The following RRAGC variants were observed in gnomAD, a reference collection of about 807,000 sequenced individuals.
RRAGC encodes ras-related GTP-binding protein C.
A neutral mutation model predicts 37.1 loss-of-function variants in RRAGC; 8 were observed. That is an observed-to-expected ratio of 0.22 (90% CI 0.13 to 0.39). The LOEUF (loss-of-function observed/expected upper bound fraction) is 0.39. RRAGC is among the 10% of genes least tolerant of loss of function. The pLI, the probability that RRAGC is intolerant of heterozygous loss-of-function variation, is 1.00. For missense variants in RRAGC, 342 were observed against 497.6 expected (o/e 0.69, Z 2.98); for synonymous variants, 190 against 181.1 (o/e 1.05, Z -0.39).
intron 6 of RRAGC, among the ~76,000 whole-genome samples, chr1:38,842,153 T>C (rs1000854903): frequency 2.6e-5 from 4 of 152,158 alleles, no homozygotes; most frequent in Non-Finnish European, 5.9e-5. Flanking sequence ...GCGCCTGTAG[T>C]CCCAGCTACT....
intron 6 of RRAGC, 22 bp from the exon 7 acceptor site, chr1:38,839,726 G>C (rs778243664): frequency 6.2e-7 from 1 of 1,611,342 alleles, no homozygotes; most frequent in Non-Finnish European, 8.5e-7. Flanking sequence ...AAAAAGAAAA[G>C]AATGCCTCCT....
At chr1:38,851,805 A>G in intron 4 of RRAGC, 48 bp from the exon 5 acceptor site, 1 of 1,516,598 alleles carries the variant, frequency 6.6e-7, no homozygotes, top group Non-Finnish European at 9.1e-7. Flanking sequence ...AAGAATCACA[A>G]TTTACAACTT....
rs559607032 is a variant in RRAGC, at chr1:38,838,518, T to C, written c.*1035A>G. On this transcript the variant is annotated 3_prime_UTR_variant, in exon 7 of 7. Transcript: ENST00000373001. ...CAACCATCAACAAAAGCAACAATTA[T>C]GAATTCATATCCTAGGCAAAGAAAG... The C allele has an allele frequency of 2.0e-5, 3 of 152,364 alleles. No individual in the cohort carries two copies. The highest frequency in any genetic ancestry group is 2.9e-5 in the Non-Finnish European group (2 of 68,038). The allele number at this position is 152,364 out of a possible 1,614,324, so 9.4% of individuals were successfully genotyped here. A position where few individuals can be genotyped will look rare whatever the true frequency, so the allele number is the denominator to read the frequency against.
At position 38,855,699 on chromosome 1, in the gene RRAGC, T is replaced by C. The variant is rs1477896863; in HGVS notation, c.641+9A>G. 6.2e-7 allele frequency: 1 copy of C among 1,609,680 alleles called. No homozygotes were observed. Among genetic ancestry groups the C allele is most frequent in the Admixed American group, 1.7e-5 (1 of 60,020 alleles). On this transcript the variant is annotated intron_variant, in intron 3 of 6. Transcript: ENST00000373001. ...TCAGGGCTTTCATATCAAACACACA[T>C]GTTGTTACCTAAGATGGAGTTTTTC...
chr1:38,841,107 T>A (rs1319576572), intron 6 of RRAGC, among the ~76,000 whole-genome samples: 2 of 152,162 alleles, frequency 1.3e-5, no homozygotes, highest in African/African-American at 4.8e-5. Context: ...ATATGAAACA[T>A]AATTGGCTAT....
chr1:38,842,073 C>A (rs1417198098), intron 6 of RRAGC, among the ~76,000 whole-genome samples: 1 of 152,086 alleles, frequency 6.6e-6, no homozygotes, highest in African/African-American at 2.4e-5. Flanking sequence ...GAGATCGAGA[C>A]CATCCTGGCT....
Position 38,852,434 on chromosome 1 carries a change from C to T in RRAGC, c.696G>A (p.Val232=). ...GCAGTTGTGGAATGAGTTTCTGCAC[C>T]ACCTTACTAAAGGCTTCAAATATTG... ...DHSIFEAFSK[V]VQKLIPQLPT... The change falls in exon 4 of 7, where the codon GTG becomes GTA. Residue 232 remains valine, a synonymous_variant. Transcript: ENST00000373001. The T allele has an allele frequency of 6.2e-7, 1 of 1,611,022 alleles. No individual in the cohort carries two copies. Among genetic ancestry groups the T allele is most frequent in the Non-Finnish European group, 8.5e-7 (1 of 1,177,678 alleles).
chr1:38,846,253 A>G, intron 5 of RRAGC, 166 bp from the exon 6 acceptor site: 1 of 571,170 alleles, frequency 1.8e-6, no homozygotes, highest in Non-Finnish European at 3.0e-6. Flanking sequence ...TCCTAAACAC[A>G]GAATTTCAGG....
At position 38,841,367 on chromosome 1, in the gene RRAGC, A is replaced by ATT. The variant is rs1570858222; in HGVS notation, c.1049-1664_1049-1663insAA. Among the ~76,000 whole-genome samples the ATT allele has an allele frequency of 2.6e-4, 34 of 130,152 alleles. No individual in the cohort carries two copies. The East Asian group carries it at 5.2e-3, about 20-fold the overall frequency. 85.4% of individuals were successfully genotyped at this position (130,152 alleles called of 152,430 possible). ...ACACCTGAAAATTTCCATAAACAAA[A>ATT]ATTTTTTTTTTTTTTTATAGACAGG... On this transcript the variant is annotated intron_variant, in intron 6 of 6. Coordinates refer to ENST00000373001, the MANE Select transcript of RRAGC (RefSeq NM_022157.4).
chr1:38,855,629 T>A, intron 3 of RRAGC, 79 bp downstream of exon 3: 1 of 1,132,806 alleles, frequency 8.8e-7, no homozygotes, highest in Non-Finnish European at 1.3e-6. Context: ...AGCAGAAAGC[T>A]ATGGTGTTTG....
At chr1:38,851,522 T>A (rs1642100877) in intron 5 of RRAGC, 93 bp downstream of exon 5, 1 of 1,175,838 alleles carries the variant, frequency 8.5e-7, no homozygotes, top group South Asian at 1.8e-5. Context: ...GTAGTACCAC[T>A]TGCCAGGGGC....
At position 38,852,935 on chromosome 1, in the gene RRAGC, C is replaced by G. The variant is rs147361574; in HGVS notation, c.642-447G>C. Among the ~76,000 whole-genome samples, 362 of 152,268 alleles carry G rather than the reference C, an allele frequency of 2.4e-3. 1 individual carries two copies. Among genetic ancestry groups the G allele is most frequent in the Non-Finnish European group, 4.2e-3 (284 of 68,020 alleles). On this transcript the variant is annotated intron_variant, in intron 3 of 6. Transcript: ENST00000373001. ...AGACCAGCCTACCTAAAATAGCACT[C>G]GTGTACCCAAGGCTTTCAACCCCTT...
chr1:38,841,537 AATT>A (rs1423375253), intron 6 of RRAGC, among the ~76,000 whole-genome samples: 2 of 151,636 alleles, frequency 1.3e-5, no homozygotes, highest in African/African-American at 2.4e-5. Flanking sequence ...CTAACTTTTT[AATT>A]TTTTGGTAGA....
chr1:38,853,149 T>A (rs1642121398), intron 3 of RRAGC, among the ~76,000 whole-genome samples: 1 of 152,188 alleles, frequency 6.6e-6, no homozygotes, highest in Non-Finnish European at 1.5e-5. Flanking sequence ...AATAAACAAA[T>A]GAATACAATT....
intron 6 of RRAGC, among the ~76,000 whole-genome samples, chr1:38,840,853 A>G (rs1439227417): frequency 6.6e-6 from 1 of 152,240 alleles, no homozygotes; most frequent in Non-Finnish European, 1.5e-5. Context: ...ACAAACTATA[A>G]AAGACAAGTT....
chr1:38,853,386 AG>A (rs1195191507), intron 3 of RRAGC, among the ~76,000 whole-genome samples: 1 of 152,230 alleles, frequency 6.6e-6, no homozygotes, highest in African/African-American at 2.4e-5. Context: ...TTCATTATAT[AG>A]TCGCATCCAC....
intron 6 of RRAGC, among the ~76,000 whole-genome samples, chr1:38,840,362 GTTTATA>G (rs941715136): frequency 3.3e-5 from 5 of 152,110 alleles, no homozygotes; most frequent in African/African-American, 1.2e-4. Context: ...TCTTTCAATA[GTTTATA>G]TTTGATTTGA....
At chr1:38,844,458 A>AC (rs1642005013) in intron 6 of RRAGC, among the ~76,000 whole-genome samples, 1 of 151,904 alleles carries the variant, frequency 6.6e-6, no homozygotes, top group Non-Finnish European at 1.5e-5. Context: ...GAAAAAAAAA[A>AC]AAAAAACAGA....
At chr1:38,855,981 CCT>C (rs1642162716) in intron 2 of RRAGC, 74 bp from the exon 3 acceptor site, 2 of 979,420 alleles carry the variant, frequency 2.0e-6, no homozygotes, top group Non-Finnish European at 3.1e-6. Context: ...CCTCAAACCA[CCT>C]CTTTCCCCAA....
Sources: allele counts gnomAD v4.1 joint callset (sites outside exome capture counted in the v4.1 genomes callset), GRCh38; gene constraint gnomAD v4.1.1; transcripts MANE v1.5; gene names NCBI Gene and HGNC (gene_info 2026-07-23, HGNC 2026-07-21).